The following DOK6 variants were observed in gnomAD, a reference collection of about 807,000 sequenced individuals.
DOK6 encodes the protein downstream of tyrosine kinase 6.
A neutral mutation model predicts 44.0 loss-of-function variants in DOK6; 22 were observed. That is an observed-to-expected ratio of 0.50 (90% CI 0.36 to 0.71). The LOEUF is 0.71. Among genes scored for constraint, DOK6 ranks in the 30% least tolerant of loss-of-function variants. DOK6 has a pLI of 0.00. For synonymous variants in DOK6, 166 were observed against 145.5 expected, an observed-to-expected ratio of 1.14 and a Z score of -1.01; for missense variants, 340 against 416.4, an observed-to-expected ratio of 0.82 and a Z score of 1.60.
At chr18:69,692,078 C>A (rs1181391040) in intron 4 of DOK6, among the ~76,000 whole-genome samples, 1 of 152,082 alleles carries the variant, frequency 6.6e-6, no homozygotes, top group Non-Finnish European at 1.5e-5. Flanking sequence ...CTGGAAAAGT[C>A]AAAAGCAAAA....
At chr18:69,402,418 T>C (rs878989587) in intron 1 of DOK6, among the ~76,000 whole-genome samples, 1 of 152,190 alleles carries the variant, frequency 6.6e-6, no homozygotes, top group African/African-American at 2.4e-5. Flanking sequence ...ACTTTGCTAA[T>C]TTTTGTGTAA....
chr18:69,480,206 C>T (rs1055920700), intron 1 of DOK6, among the ~76,000 whole-genome samples: 5 of 151,744 alleles, frequency 3.3e-5, no homozygotes, highest in Admixed American at 6.6e-5. Context: ...ATTTTATGGA[C>T]TCTATCATTT....
At chr18:69,676,755 T>A (rs1186100350) in intron 3 of DOK6, among the ~76,000 whole-genome samples, 1 of 152,202 alleles carries the variant, frequency 6.6e-6, no homozygotes, top group Admixed American at 6.5e-5. Context: ...GATTTCCAAT[T>A]CTGTTTTGAT....
chr18:69,410,566 A>G (rs1485460202), intron 1 of DOK6, among the ~76,000 whole-genome samples: 2 of 152,212 alleles, frequency 1.3e-5, no homozygotes, highest in African/African-American at 4.8e-5. Flanking sequence ...TAATGTGAAC[A>G]CAGAAGGAAT....
chr18:69,735,331 T>C (rs1478951230), intron 5 of DOK6, among the ~76,000 whole-genome samples: 1 of 152,178 alleles, frequency 6.6e-6, no homozygotes, highest in Non-Finnish European at 1.5e-5. Context: ...GATGGAAGGG[T>C]TCCCAAGGCC....
intron 7 of DOK6, among the ~76,000 whole-genome samples, chr18:69,837,327 A>T (rs1982082758): frequency 6.6e-6 from 1 of 152,186 alleles, no homozygotes; most frequent in Non-Finnish European, 1.5e-5. Context: ...AGCAAGAAGG[A>T]GCAGAACTCA....
At chr18:69,426,327 G>A (rs2122415613) in intron 1 of DOK6, among the ~76,000 whole-genome samples, 1 of 152,028 alleles carries the variant, frequency 6.6e-6, no homozygotes, top group African/African-American at 2.4e-5. Context: ...TTGCATTTTA[G>A]GATTTGTTTA....
intron 4 of DOK6, among the ~76,000 whole-genome samples, chr18:69,696,566 A>G (rs1294733919): frequency 6.6e-6 from 1 of 152,170 alleles, no homozygotes; most frequent in Admixed American, 6.5e-5. Context: ...CTATAACAAT[A>G]TTTTCTCTAT....
At chr18:69,683,951 T>C (rs1314674537) in intron 4 of DOK6, among the ~76,000 whole-genome samples, 1 of 152,178 alleles carries the variant, frequency 6.6e-6, no homozygotes, top group East Asian at 1.9e-4. Flanking sequence ...GGGACTTGTG[T>C]TCCACGAAAC....
At chr18:69,818,041 A>G (rs774227385) in intron 7 of DOK6, among the ~76,000 whole-genome samples, 3 of 152,158 alleles carry the variant, frequency 2.0e-5, no homozygotes, top group Non-Finnish European at 4.4e-5. Flanking sequence ...AACATACACC[A>G]TACACCTCCT....
chr18:69,401,399 CGG>C, intron 1 of DOK6, 89 bp downstream of exon 1: 4 of 1,351,338 alleles, frequency 3.0e-6, no homozygotes, highest in Non-Finnish European at 3.9e-6. Flanking sequence ...GTGACCCGTG[CGG>C]GTACAGGGCA....
chr18:69,845,189 T>C lies in DOK6; in HGVS notation c.*3806T>C, dbSNP rs1982320074. The C allele has an allele frequency of 6.6e-6, 1 of 152,180 alleles. No homozygotes were observed. The highest frequency in any genetic ancestry group is 6.5e-5 in the Admixed American group (1 of 15,274). The allele number at this position is 152,180 out of a possible 1,614,324, so 9.4% of individuals were successfully genotyped here. On this transcript the variant is annotated 3_prime_UTR_variant, in exon 8 of 8. Transcript: ENST00000382713. ...CAGTGAAAACAAGCTAAGGAAATGATATTCTCCTAAAAAGTTATATTCCAG... is the reference window on the plus strand; with the variant it reads ...CAGTGAAAACAAGCTAAGGAAATGACATTCTCCTAAAAAGTTATATTCCAG...
At chr18:69,653,512 T>C (rs755447037) in intron 3 of DOK6, among the ~76,000 whole-genome samples, 44 of 152,054 alleles carry the variant, frequency 2.9e-4, no homozygotes, top group Non-Finnish European at 5.4e-4. Context: ...GAACTTCCAA[T>C]AGACTCATGA....
chr18:69,784,740 A>G (rs1980380337), intron 7 of DOK6, among the ~76,000 whole-genome samples: 1 of 152,226 alleles, frequency 6.6e-6, no homozygotes, highest in Non-Finnish European at 1.5e-5. Flanking sequence ...TCCACAAGAT[A>G]GATAATTCTT....
Position 69,642,317 on chromosome 18 carries a change from A to G in DOK6, c.290-35417A>G, listed in dbSNP as rs574431378. On this transcript the variant is annotated intron_variant, in intron 3 of 7. Transcript: ENST00000382713. ...TGTTTTCTTCTTCCACAACTGACCT[A>G]TAGCGATTTTTATTTTATTTTATTT... Among the ~76,000 whole-genome samples, 17 of 152,302 alleles carry G rather than the reference A, an allele frequency of 1.1e-4. No individual in the cohort carries two copies. The East Asian group carries it at 3.3e-3, about 29-fold the overall frequency.
intron 2 of DOK6, among the ~76,000 whole-genome samples, chr18:69,577,563 A>G (rs780686694): frequency 6.6e-6 from 1 of 152,128 alleles, no homozygotes; most frequent in South Asian, 2.1e-4. Flanking sequence ...TACTTATATT[A>G]CCACATGCAG....
intron 3 of DOK6, among the ~76,000 whole-genome samples, chr18:69,621,354 T>C (rs896665779): frequency 6.6e-6 from 1 of 152,186 alleles, no homozygotes; most frequent in Non-Finnish European, 1.5e-5. Flanking sequence ...ATTATTACTA[T>C]ATACCTTATT....
chr18:69,760,127 G>A (rs190642920), intron 7 of DOK6, among the ~76,000 whole-genome samples: 9 of 152,206 alleles, frequency 5.9e-5, no homozygotes, highest in Admixed American at 5.2e-4. Flanking sequence ...CTTTGATAAT[G>A]GTCACGTATT....
rs1449750474 is a variant in DOK6, at chr18:69,476,960, G to T, written c.66+75650G>T. Among the ~76,000 whole-genome samples the T allele has an allele frequency of 2.0e-5, 3 of 152,156 alleles. No homozygotes were observed. In the East Asian group the frequency reaches 5.8e-4, roughly 29 times the overall value. On this transcript the variant is annotated intron_variant, in intron 1 of 7. Transcript: ENST00000382713. ...TCCCACGGTTATGTACACAGTAAAA[G>T]GTTGCTTGGATTAGTCAGGTGATAT...
Sources: allele counts gnomAD v4.1 joint callset (sites outside exome capture counted in the v4.1 genomes callset), GRCh38; gene constraint gnomAD v4.1.1; transcripts MANE v1.5; gene names NCBI Gene and HGNC (gene_info 2026-07-23, HGNC 2026-07-21).